The following GLI3 variants were observed in gnomAD, a reference collection of about 807,000 sequenced individuals.
GLI3 encodes GLI family zinc finger 3, also known as transcription activator GLI3.
In GLI3, 20 loss-of-function variants were observed where a neutral mutation model predicts 100.8. The ratio of observed to expected loss-of-function variants is 0.20; its 90% CI spans 0.14 to 0.29. The LOEUF is 0.29. Ranked by LOEUF, GLI3 falls within the 10% of genes least tolerant of loss-of-function variation. GLI3 has a pLI of 1.00. For missense variants in GLI3, 2,040 were observed against 2,128.5 expected (o/e 0.96, Z 0.82); for synonymous variants, 938 against 860.5 (o/e 1.09, Z -1.58).
chr7:42,144,857 A>G (rs1786663672), intron 3 of GLI3, among the ~76,000 whole-genome samples: 1 of 152,156 alleles, frequency 6.6e-6, no homozygotes, highest in African/African-American at 2.4e-5. Context: ...ACTGGATTAG[A>G]GGAGTCTTTT....
chr7:42,231,897 C>CA (rs59256693), intron 1 of GLI3, among the ~76,000 whole-genome samples: 5,081 of 125,748 alleles, frequency 0.04, 244 homozygotes, highest in African/African-American at 0.12. Flanking sequence ...ATGCAATCTT[C>CA]AAAAAAAAAA....
chr7:41,999,079 T>C (rs1018419679), intron 10 of GLI3, among the ~76,000 whole-genome samples: 9 of 152,060 alleles, frequency 5.9e-5, no homozygotes, highest in Admixed American at 4.6e-4. Context: ...ATGAATGGAG[T>C]TTCCTGTTGA....
At chr7:42,008,468 G>T (rs922987854) in intron 10 of GLI3, among the ~76,000 whole-genome samples, 1 of 152,126 alleles carries the variant, frequency 6.6e-6, no homozygotes, top group East Asian at 1.9e-4. Flanking sequence ...CAGAGATGGG[G>T]TCTCCCTATG....
chr7:42,177,284 C>T (rs538999753), intron 2 of GLI3, among the ~76,000 whole-genome samples: 21 of 152,038 alleles, frequency 1.4e-4, no homozygotes, highest in African/African-American at 4.3e-4. Context: ...GGAGGAGAGA[C>T]GGAGGCAGCA....
Position 41,973,194 on chromosome 7 carries a change from G to A in GLI3, c.1813-567C>T, listed in dbSNP as rs967633982. On this transcript the variant is annotated intron_variant, in intron 12 of 14. Transcript: ENST00000395925. Reference sequence around the variant, plus strand: ...CTCCCATGTTAGATGACACTAAAATGTGCTCCTTTGGGTAGCATTACAAGT... The same window carrying A: ...CTCCCATGTTAGATGACACTAAAATATGCTCCTTTGGGTAGCATTACAAGT... Among the ~76,000 whole-genome samples, 3 of 152,326 alleles carry A rather than the reference G, an allele frequency of 2.0e-5. No individual in the cohort carries two copies. The East Asian group carries it at 5.8e-4, about 29-fold the overall frequency.
intron 3 of GLI3, among the ~76,000 whole-genome samples, chr7:42,094,871 G>A (rs1001542016): frequency 1.3e-5 from 2 of 152,188 alleles, no homozygotes; most frequent in Non-Finnish European, 2.9e-5. Flanking sequence ...AAGGAAGCAC[G>A]TGGACTGAGG....
chr7:42,234,030 A>G (rs1788742717), intron 1 of GLI3, among the ~76,000 whole-genome samples: 1 of 152,210 alleles, frequency 6.6e-6, no homozygotes, highest in Non-Finnish European at 1.5e-5. Flanking sequence ...ACCTCCTTCA[A>G]AGAATTCTTT....
chr7:42,099,315 G>A (rs1033473356), intron 3 of GLI3, among the ~76,000 whole-genome samples: 1 of 152,088 alleles, frequency 6.6e-6, no homozygotes, highest in African/African-American at 2.4e-5. Context: ...CTTTGAATTC[G>A]ACACCATCTC....
intron 3 of GLI3, among the ~76,000 whole-genome samples, chr7:42,086,161 C>T (rs1013129741): frequency 1.3e-5 from 2 of 152,158 alleles, no homozygotes; most frequent in African/African-American, 4.8e-5. Context: ...TACTTTAATG[C>T]AGGTCAAGCA....
chr7:42,179,235 G>T (rs1309195066), intron 2 of GLI3, among the ~76,000 whole-genome samples: 1 of 152,196 alleles, frequency 6.6e-6, no homozygotes, highest in Non-Finnish European at 1.5e-5. Context: ...CTTCCACCAT[G>T]ATTGTGAGGC....
At chr7:42,157,458 C>T (rs994930639) in intron 2 of GLI3, among the ~76,000 whole-genome samples, 8 of 152,190 alleles carry the variant, frequency 5.3e-5, no homozygotes, top group Non-Finnish European at 8.8e-5. Flanking sequence ...TAGCTGCTCT[C>T]CTTCCTCACA....
At chr7:42,132,294 G>GT (rs1318174726) in intron 3 of GLI3, among the ~76,000 whole-genome samples, 2 of 149,906 alleles carry the variant, frequency 1.3e-5, no homozygotes, top group South Asian at 4.2e-4. Flanking sequence ...TAGAGATGGG[G>GT]TTTCACCATG....
chr7:42,220,075 A>G (rs901123640), intron 2 of GLI3, among the ~76,000 whole-genome samples: 1 of 152,056 alleles, frequency 6.6e-6, no homozygotes, highest in African/African-American at 2.4e-5. Context: ...GATGGTCTCG[A>G]TCTCCTGACC....
At chr7:42,032,376 C>T (rs934179365) in intron 7 of GLI3, among the ~76,000 whole-genome samples, 1 of 152,126 alleles carries the variant, frequency 6.6e-6, no homozygotes, top group Non-Finnish European at 1.5e-5. Flanking sequence ...TGTAAGTCAA[C>T]ATTTGTACAG....
At chr7:42,060,588 C>T (rs962282054) in intron 4 of GLI3, among the ~76,000 whole-genome samples, 1 of 152,154 alleles carries the variant, frequency 6.6e-6, no homozygotes, top group Non-Finnish European at 1.5e-5. Flanking sequence ...TGACTTTCCT[C>T]TCTATTTTCC....
rs867967233 is a variant in GLI3, at chr7:42,223,694, C to T, written c.-42-399G>A. 3.9e-5 allele frequency among the ~76,000 whole-genome samples: 6 copies of T among 152,262 alleles called. No individual in the cohort carries two copies. In the Middle Eastern group the frequency reaches 0.014, roughly 345 times the overall value. On this transcript the variant is annotated intron_variant, in intron 1 of 14. Coordinates refer to ENST00000395925, the MANE Select transcript of GLI3 (RefSeq NM_000168.6). Reference sequence around the variant, plus strand: ...ACAGGAAGGGGCATTTGAACAAATTCCAAAGGGAGGGAAGGTTTTTAATTA... The same window carrying T: ...ACAGGAAGGGGCATTTGAACAAATTTCAAAGGGAGGGAAGGTTTTTAATTA...
chr7:41,994,611 C>T (rs1182665333), intron 10 of GLI3, among the ~76,000 whole-genome samples: 1 of 152,198 alleles, frequency 6.6e-6, no homozygotes, highest in Non-Finnish European at 1.5e-5. Flanking sequence ...GGTGAAATCA[C>T]TCCTGGGGGA....
chr7:42,211,343 C>T (rs1788270734), intron 2 of GLI3, among the ~76,000 whole-genome samples: 1 of 152,162 alleles, frequency 6.6e-6, no homozygotes, highest in Admixed American at 6.5e-5. Flanking sequence ...TGTTAGCCTA[C>T]ACAGGAACTG....
At chr7:42,000,607 G>A (rs1192147280) in intron 10 of GLI3, among the ~76,000 whole-genome samples, 17 of 135,458 alleles carry the variant, frequency 1.3e-4, no homozygotes, top group Admixed American at 1.2e-3. Context: ...AATTAGAAAT[G>A]TCTGCTTTCT....
Sources: allele counts gnomAD v4.1 joint callset (sites outside exome capture counted in the v4.1 genomes callset), GRCh38; gene constraint gnomAD v4.1.1; transcripts MANE v1.5; gene names NCBI Gene and HGNC (gene_info 2026-07-23, HGNC 2026-07-21).